The following ARHGAP32 variants were observed in gnomAD, a reference collection of about 807,000 sequenced individuals.
The protein encoded by ARHGAP32 is Rho GTPase activating protein 32.
A neutral mutation model predicts 186.5 loss-of-function variants in ARHGAP32; 51 were observed. That is an observed-to-expected ratio of 0.27 (90% CI 0.22 to 0.35). The LOEUF (loss-of-function observed/expected upper bound fraction) is 0.35. ARHGAP32 is among the 10% of genes least tolerant of loss of function. The pLI, the probability that ARHGAP32 is intolerant of heterozygous loss-of-function variation, is 1.00. For synonymous variants in ARHGAP32, 950 were observed against 964.3 expected, an observed-to-expected ratio of 0.99 and a Z score of 0.27; for missense variants, 2,186 against 2,623.5, an observed-to-expected ratio of 0.83 and a Z score of 3.64.
At chr11:129,061,539 TTACTTGAACACAGCACCTTA>T (rs1205245175) in intron 10 of ARHGAP32, among the ~76,000 whole-genome samples, 2 of 152,138 alleles carry the variant, frequency 1.3e-5, no homozygotes, top group African/African-American at 4.8e-5. Context: ...CAAATAAGGA[TTACTTGAACACAGCACCTTA>T]ATACCTCAAC....
intron 5 of ARHGAP32, among the ~76,000 whole-genome samples, chr11:129,112,988 T>C (rs2135346333): frequency 6.6e-6 from 1 of 152,290 alleles, no homozygotes; most frequent in Admixed American, 6.5e-5. Context: ...AAAATAATAG[T>C]CCTTACAACA....
chr11:129,116,973 A>G (rs1942384708), intron 5 of ARHGAP32, among the ~76,000 whole-genome samples: 1 of 152,080 alleles, frequency 6.6e-6, no homozygotes, highest in African/African-American at 2.4e-5. Flanking sequence ...TCTATTTTAC[A>G]AATGAGGAAA....
At chr11:129,216,735 T>C (rs1028108147) in intron 1 of ARHGAP32, among the ~76,000 whole-genome samples, 8 of 150,562 alleles carry the variant, frequency 5.3e-5, no homozygotes, top group African/African-American at 1.9e-4. Flanking sequence ...TAGGTTCTAA[T>C]ACATTTTATC....
At position 129,276,700 on chromosome 11, in the gene ARHGAP32, C is replaced by A. The variant is rs149336585; in HGVS notation, c.-5+2446G>T. Among the ~76,000 whole-genome samples the A allele has an allele frequency of 3.3e-5, 5 of 152,274 alleles. No homozygotes were observed. In the East Asian group the frequency reaches 9.6e-4, roughly 29 times the overall value. ...ACATAGGTTAGTAACTAAGTTTATA[C>A]GTAATGACAATACTTTACATATTTA... On this transcript the variant is annotated intron_variant, in intron 1 of 6. Transcript: ENST00000525234.
At chr11:129,255,831 C>T (rs1052065409) in intron 1 of ARHGAP32, among the ~76,000 whole-genome samples, 1 of 152,088 alleles carries the variant, frequency 6.6e-6, no homozygotes, top group Non-Finnish European at 1.5e-5. Flanking sequence ...CCCTATGATC[C>T]AGGGATTCTA....
chr11:129,222,142 T>C (rs1944720185), intron 1 of ARHGAP32, among the ~76,000 whole-genome samples: 2 of 152,318 alleles, frequency 1.3e-5, no homozygotes, highest in South Asian at 4.1e-4. Flanking sequence ...TCAAATATTT[T>C]AAGCAGTACT....
chr11:129,089,149 G>A (rs1046444586), intron 6 of ARHGAP32, among the ~76,000 whole-genome samples: 3 of 152,110 alleles, frequency 2.0e-5, no homozygotes, highest in African/African-American at 7.2e-5. Context: ...AGATTTCTAT[G>A]ATAAGAATTT....
intron 5 of ARHGAP32, among the ~76,000 whole-genome samples, chr11:129,117,163 A>G (rs1316579959): frequency 6.6e-5 from 10 of 152,014 alleles, no homozygotes; most frequent in Admixed American, 5.9e-4. Context: ...ATTCTTTTCT[A>G]GCAATACAAA....
intron 5 of ARHGAP32, among the ~76,000 whole-genome samples, chr11:129,121,944 T>C (rs940834809): frequency 6.6e-6 from 1 of 152,088 alleles, no homozygotes; most frequent in Non-Finnish European, 1.5e-5. Context: ...GCAGCCATTA[T>C]AAACTCTTTA....
intron 11 of ARHGAP32, among the ~76,000 whole-genome samples, chr11:129,016,057 G>A (rs1938321761): frequency 6.6e-6 from 1 of 152,008 alleles, no homozygotes; most frequent in African/African-American, 2.4e-5. Context: ...TCAAATCTTT[G>A]TTCTACTTAG....
chr11:129,174,441 CA>C (rs922115932), intron 1 of ARHGAP32, among the ~76,000 whole-genome samples: 6 of 152,210 alleles, frequency 3.9e-5, no homozygotes, highest in African/African-American at 1.4e-4. Flanking sequence ...GAGCCCACCA[CA>C]GCTCAAGGAG....
At chr11:129,271,695 G>A (rs1388651262) in intron 1 of ARHGAP32, among the ~76,000 whole-genome samples, 2 of 152,162 alleles carry the variant, frequency 1.3e-5, no homozygotes, top group Non-Finnish European at 1.5e-5. Flanking sequence ...TTTTCAAGGA[G>A]TGGGAAAGTA....
At chr11:129,022,275 CA>C (rs1322254025) in intron 11 of ARHGAP32, among the ~76,000 whole-genome samples, 2 of 152,042 alleles carry the variant, frequency 1.3e-5, no homozygotes, top group Non-Finnish European at 2.9e-5. Flanking sequence ...AAATTGTAAT[CA>C]CATGTACTTT....
At chr11:129,199,820 C>G (rs948066248) in intron 1 of ARHGAP32, among the ~76,000 whole-genome samples, 1 of 152,222 alleles carries the variant, frequency 6.6e-6, no homozygotes, top group Non-Finnish European at 1.5e-5. Flanking sequence ...ACTGCTTGCA[C>G]TGTGAGCCTG....
rs541977593 is a variant in ARHGAP32, at chr11:129,160,161, A to C, written c.225+4158T>G. 9.8e-5 allele frequency among the ~76,000 whole-genome samples: 15 copies of C among 152,330 alleles called. No homozygotes were observed. The East Asian group carries it at 2.9e-3, about 29-fold the overall frequency. On this transcript the variant is annotated intron_variant, in intron 2 of 22. Coordinates refer to ENST00000682385, the MANE Select transcript of ARHGAP32 (RefSeq NM_001378024.1). ...GCCAATATCATACTGAAAGGGCAAA[A>C]GCTGGAAGCATTCCCATTGAAAATC...
At chr11:128,981,254 C>A (rs540075633) in intron 17 of ARHGAP32, among the ~76,000 whole-genome samples, 162 bp downstream of exon 17, 6 of 152,286 alleles carry the variant, frequency 3.9e-5, no homozygotes, top group African/African-American at 7.2e-5. Context: ...TATATACACA[C>A]AAAATAACTG....
intron 11 of ARHGAP32, among the ~76,000 whole-genome samples, chr11:129,001,787 T>C (rs1946365386): frequency 6.6e-6 from 1 of 152,206 alleles, no homozygotes; most frequent in African/African-American, 2.4e-5. Context: ...AATTTTTATA[T>C]AAGGTGAGAA....
intron 2 of ARHGAP32, among the ~76,000 whole-genome samples, chr11:129,156,377 T>C (rs1943406708): frequency 6.6e-6 from 1 of 152,078 alleles, no homozygotes; most frequent in Non-Finnish European, 1.5e-5. Flanking sequence ...CAGTCTGAAG[T>C]CGACCTGGGA....
At chr11:129,186,474 G>A (rs901954334) in intron 1 of ARHGAP32, among the ~76,000 whole-genome samples, 4 of 152,140 alleles carry the variant, frequency 2.6e-5, no homozygotes, top group Non-Finnish European at 4.4e-5. Context: ...AGACTTTGCT[G>A]ATTACTATTA....
Sources: gnomAD v4.1 joint callset for allele counts (sites outside exome capture counted in the v4.1 genomes callset) on GRCh38, gnomAD v4.1.1 for gene constraint, MANE v1.5 for transcripts, NCBI Gene and HGNC (gene_info 2026-07-23, HGNC 2026-07-21) for gene names.